PRKG1: variants seen among roughly 807,000 people sequenced by gnomAD.
The protein encoded by PRKG1 is cGMP-dependent protein kinase 1.
A neutral mutation model predicts 88.1 loss-of-function variants in PRKG1; 35 were observed. That is an observed-to-expected ratio of 0.40 (90% confidence interval 0.30 to 0.53). The LOEUF (loss-of-function observed/expected upper bound fraction) is 0.53. Ranked by LOEUF, PRKG1 falls within the 20% of genes least tolerant of loss-of-function variation. PRKG1 has a pLI of 0.59. For synonymous variants in PRKG1, 303 were observed against 292.5 expected (o/e 1.04, Z -0.37); for missense variants, 540 against 839.8 (o/e 0.64, Z 4.41).
At chr10:51,041,304 G>T (rs1843418196) in intron 1 of PRKG1, among the ~76,000 whole-genome samples, 1 of 152,084 alleles carries the variant, frequency 6.6e-6, no homozygotes, top group Admixed American at 6.5e-5. Flanking sequence ...AGCCTGCTTG[G>T]TGCTCTACCC....
At chr10:51,229,234 G>T (rs2132105431) in intron 2 of PRKG1, among the ~76,000 whole-genome samples, 1 of 152,254 alleles carries the variant, frequency 6.6e-6, no homozygotes, top group South Asian at 2.1e-4. Context: ...CCATGGTAAA[G>T]CACCATACCT....
intron 3 of PRKG1, among the ~76,000 whole-genome samples, chr10:51,628,095 TCC>T: frequency 6.8e-6 from 1 of 147,456 alleles, no homozygotes; most frequent in Non-Finnish European, 1.5e-5. Flanking sequence ...TTTCCTTCCT[TCC>T]CTTTCTTTCT....
At chr10:52,207,034 G>A (rs1839837924) in intron 9 of PRKG1, among the ~76,000 whole-genome samples, 1 of 152,204 alleles carries the variant, frequency 6.6e-6, no homozygotes, top group African/African-American at 2.4e-5. Flanking sequence ...ATGCCAACAG[G>A]GGCATTGCAA....
At chr10:51,736,802 C>CTTT (rs1204738786) in intron 3 of PRKG1, among the ~76,000 whole-genome samples, 1 of 145,626 alleles carries the variant, frequency 6.9e-6, no homozygotes, top group African/African-American at 2.5e-5. Context: ...CTAATTTTAA[C>CTTT]TTTTTTTTTT....
rs142036413 is a variant in PRKG1 at position 51,776,629 on chromosome 10, G to A, written c.593-27956G>A. ...CACTTGAGGTTAGGTGTTCAAGACC[G>A]GCCTGGCCAACGTGGTGAAACCCCG... is the stretch of plus-strand genomic sequence containing the variant. On this transcript the variant is annotated intron_variant, in intron 3 of 17. Transcript: ENST00000373980. Among the ~76,000 whole-genome samples, 163 of 152,050 alleles carry A rather than the reference G, an allele frequency of 1.1e-3. 1 individual carries two copies. The highest frequency in any genetic ancestry group is 3.9e-3 in the African/African-American group (160 of 41,490).
intron 3 of PRKG1, among the ~76,000 whole-genome samples, chr10:51,618,182 T>C (rs1490938578): frequency 1.3e-5 from 2 of 152,174 alleles, no homozygotes; most frequent in Admixed American, 6.5e-5. Flanking sequence ...TAAGGAAACT[T>C]GGAGGCTGTA....
At chr10:51,628,020 T>TCTCTCTC (rs1564579903) in intron 3 of PRKG1, among the ~76,000 whole-genome samples, 2 of 90,228 alleles carry the variant, frequency 2.2e-5, no homozygotes, top group East Asian at 4.0e-4. Flanking sequence ...CTTTCTTTCT[T>TCTCTCTC]TCTTTCTTTC....
chr10:51,223,271 T>A (rs1035684039), intron 2 of PRKG1, among the ~76,000 whole-genome samples: 1 of 152,206 alleles, frequency 6.6e-6, no homozygotes, highest in Middle Eastern at 3.4e-3. Flanking sequence ...AGAACATTTT[T>A]ATAGTTATAA....
chr10:50,994,031 T>C (rs1842808875), intron 1 of PRKG1, among the ~76,000 whole-genome samples: 1 of 152,202 alleles, frequency 6.6e-6, no homozygotes, highest in African/African-American at 2.4e-5. Flanking sequence ...CTTTTCTACT[T>C]CCTCTCTGTG....
At chr10:51,698,033 G>A in intron 3 of PRKG1, 1 of 1,613,978 alleles carries the variant, frequency 6.2e-7, no homozygotes, top group Non-Finnish European at 8.5e-7. Flanking sequence ...CTGCATACCA[G>A]CTCCAGGATT....
intron 5 of PRKG1, among the ~76,000 whole-genome samples, chr10:52,028,895 T>C (rs1845408518): frequency 6.6e-6 from 1 of 152,192 alleles, no homozygotes; most frequent in South Asian, 2.1e-4. Flanking sequence ...ACTTAATCAG[T>C]CTTGTCTTGG....
At position 52,267,641 on chromosome 10, in the gene PRKG1, GTGTATATATATACATATGAA is replaced by G. The variant is rs1841610496; in HGVS notation, c.1174-3698_1174-3679del. 2.0e-5 allele frequency among the ~76,000 whole-genome samples: 3 copies of G among 152,088 alleles called. No homozygotes were observed. The South Asian group carries it at 6.2e-4, about 32-fold the overall frequency. On this transcript the variant is annotated intron_variant, in intron 10 of 17. Coordinates refer to ENST00000373980, the MANE Select transcript of PRKG1 (RefSeq NM_006258.4). The stretch of plus-strand genomic sequence containing the variant: ...ACATTTATTTCACATATAGATGTGT[GTGTATATATATACATATGAA>G]TGTATATATACACACTAACATACGA...
chr10:52,083,025 G>A (rs574940965), intron 7 of PRKG1, among the ~76,000 whole-genome samples: 2 of 152,108 alleles, frequency 1.3e-5, no homozygotes, highest in South Asian at 4.2e-4. Flanking sequence ...CTGAATAATC[G>A]AGTGGTGTGG....
chr10:51,709,858 G>A (rs1487171326), intron 3 of PRKG1, among the ~76,000 whole-genome samples: 1 of 152,148 alleles, frequency 6.6e-6, no homozygotes, highest in African/African-American at 2.4e-5. Flanking sequence ...AGATGAGGGA[G>A]GGAAGGAAAG....
intron 2 of PRKG1, among the ~76,000 whole-genome samples, chr10:51,229,085 T>C (rs916289429): frequency 5.9e-5 from 9 of 152,214 alleles, no homozygotes; most frequent in Non-Finnish European, 1.2e-4. Flanking sequence ...CTGTGTCAAA[T>C]CCTCTTATAA....
At chr10:51,786,884 G>GC (rs1337372534) in intron 3 of PRKG1, among the ~76,000 whole-genome samples, 1 of 152,102 alleles carries the variant, frequency 6.6e-6, no homozygotes, top group African/African-American at 2.4e-5. Context: ...CAGTCAGACT[G>GC]CTTTAAGATT....
intron 1 of PRKG1, among the ~76,000 whole-genome samples, chr10:51,133,550 A>G (rs1845620522): frequency 6.6e-6 from 1 of 152,220 alleles, no homozygotes; most frequent in African/African-American, 2.4e-5. Context: ...AAAAGATTCA[A>G]ACTCAGGTCT....
chr10:51,609,163 T>C (rs1038128375), intron 3 of PRKG1, among the ~76,000 whole-genome samples: 2 of 152,120 alleles, frequency 1.3e-5, no homozygotes, highest in Non-Finnish European at 2.9e-5. Context: ...TATGTATACA[T>C]GTTTATTATT....
chr10:51,198,923 AT>A lies in PRKG1; in HGVS notation c.478+45600del, dbSNP rs374033813. 1.8e-4 allele frequency among the ~76,000 whole-genome samples: 27 copies of A among 152,276 alleles called. No homozygotes were observed. The East Asian group carries it at 2.9e-3, about 16-fold the overall frequency. Reference sequence around the variant, plus strand: ...AATTACCACAAAAATATCAAGAATCATTTTTTTAAGCACTTTTGGAAATGCA... The same window carrying A: ...AATTACCACAAAAATATCAAGAATCATTTTTTAAGCACTTTTGGAAATGCA... On this transcript the variant is annotated intron_variant, in intron 2 of 17. Coordinates refer to ENST00000373980, the MANE Select transcript of PRKG1 (RefSeq NM_006258.4).
Sources: gnomAD v4.1 joint callset for allele counts (sites outside exome capture counted in the v4.1 genomes callset) on GRCh38, gnomAD v4.1.1 for gene constraint, MANE v1.5 for transcripts, NCBI Gene and HGNC (gene_info 2026-07-23, HGNC 2026-07-21) for gene names.